Variants in PIDD1 observed in about 807,000 individuals in gnomAD.
PIDD1 encodes the protein p53-induced death domain protein 1, also known as p53-induced death domain-containing protein 1.
PIDD1 carries 72 observed loss-of-function variants against 80.0 expected under a neutral mutation model. The ratio of observed to expected loss-of-function variants is 0.90; its 90% CI spans 0.74 to 1.09. The LOEUF (loss-of-function observed/expected upper bound fraction) is 1.09, where lower values mean the gene tolerates loss of function less well. Among genes scored for constraint, PIDD1 ranks in the 50% least tolerant of loss-of-function variants. PIDD1 has a pLI of 0.00. For synonymous variants in PIDD1, 655 were observed against 543.5 expected (o/e 1.21, Z -2.85); for missense variants, 1,329 against 1,228.3 (o/e 1.08, Z -1.23).
Position 799,430 on chromosome 11 carries a change from G to C in PIDD1, c.2610C>G (p.Arg870=), listed in dbSNP as rs61740097. The C allele has an allele frequency of 6.2e-7, 1 of 1,611,152 alleles. No individual in the cohort carries two copies. Among genetic ancestry groups the C allele is most frequent in the Non-Finnish European group, 8.5e-7 (1 of 1,179,882 alleles). ...TGCGGCGGCCGAGCTCCAAGACTGCGCGCACCTCTTCAGCCACGTCCTGCC... is the reference window on the plus strand; with the variant it reads ...TGCGGCGGCCGAGCTCCAAGACTGCCCGCACCTCTTCAGCCACGTCCTGCC... ...SDRQDVAEEV[R]AVLELGRRKY... is the part of the protein sequence containing the mutation. The change falls in exon 16 of 16, where the codon CGC becomes CGG. Residue 870 remains arginine, a synonymous_variant. Coordinates refer to ENST00000347755, the MANE Select transcript of PIDD1 (RefSeq NM_145886.4).
At position 800,841 on chromosome 11, in the gene PIDD1, A is replaced by G. The variant is rs1865237660; in HGVS notation, c.1838T>C (p.Leu613Pro). ...CAGAGCGATGAGGTTCACACGGTGC[A>G]GCCGCAGCCGCTCCCAGGCCTTCCG... The part of the protein sequence containing the change: ...LARKAWERLR[L>P]HRVNLIALQR... Residue 613 changes from leucine to proline, a missense_variant, in exon 11 of 16, where the codon CTG becomes CCG. Coordinates refer to ENST00000347755, the MANE Select transcript of PIDD1 (RefSeq NM_145886.4). 1 of 1,568,358 alleles carries G rather than the reference A, an allele frequency of 6.4e-7. No homozygotes were observed. The highest frequency in any genetic ancestry group is 8.6e-7 in the Non-Finnish European group (1 of 1,157,242).
chr11:799,665 G>T, intron 15 of PIDD1, 100 bp from the exon 16 acceptor site: 1 of 1,416,852 alleles, frequency 7.1e-7, no homozygotes, highest in Non-Finnish European at 9.3e-7. Flanking sequence ...GGCTCCTGGG[G>T]CCAGGTGCGG....
upstream of PIDD1, among the ~76,000 whole-genome samples, chr11:806,746 C>A (rs1235753497): frequency 6.6e-6 from 1 of 151,764 alleles, no homozygotes; most frequent in Non-Finnish European, 1.5e-5. Context: ...CCACGCCCGG[C>A]TAATTTTTTT....
chr11:799,653 C>G, intron 15 of PIDD1, 88 bp from the exon 16 acceptor site: 1 of 1,463,020 alleles, frequency 6.8e-7, no homozygotes, highest in Non-Finnish European at 9.0e-7. Flanking sequence ...GGGGGAGTTC[C>G]CGGCTCCTGG....
chr11:804,587 G>A (rs1865650321), intron 1 of PIDD1, 124 bp from the exon 2 acceptor site: 8 of 1,007,020 alleles, frequency 7.9e-6, no homozygotes, highest in Non-Finnish European at 1.1e-5. Context: ...TGCAGAGTGG[G>A]GGAGACCTTG....
At chr11:805,878 A>C (rs951625726), upstream of PIDD1, 19 of 162,032 alleles carry the variant, frequency 1.2e-4, no homozygotes, top group African/African-American at 4.1e-4. Flanking sequence ...AGGCGGGTGG[A>C]TCACGAGGTC....
Position 804,287 on chromosome 11 carries a change from G to T in PIDD1, c.102C>A (p.Gly34=). 1 of 1,612,916 alleles carries T rather than the reference G, an allele frequency of 6.2e-7. No homozygotes were observed. Among genetic ancestry groups the T allele is most frequent in the East Asian group, 2.2e-5 (1 of 44,880 alleles). The change falls in exon 2 of 16, where the codon GGC becomes GGA. Residue 34 remains glycine, a synonymous_variant. Coordinates refer to ENST00000347755, the MANE Select transcript of PIDD1 (RefSeq NM_145886.4). ...ACAGGTCCAAGCTCAGCCGGTTGCC[G>T]CCCAGGAAAGGCAGCGCCCTGGACC... is the stretch of plus-strand genomic sequence containing the variant. ...DAGSRALPFL[G]GNRLSLDLYP...
intron 15 of PIDD1, 49 bp from the exon 16 acceptor site, chr11:799,614 A>G: frequency 2.0e-6 from 3 of 1,520,966 alleles, no homozygotes; most frequent in Non-Finnish European, 2.6e-6. Context: ...CCTGCCCAGG[A>G]CCCCCCACCA....
Position 800,154 on chromosome 11 carries a change from C to T in PIDD1, c.2251G>A (p.Ala751Thr). Residue 751 changes from alanine (A) to threonine (T), a missense_variant, in exon 14 of 16, where the codon GCC becomes ACC. Physicochemically the swap from Ala to Thr is moderately conservative, Grantham distance 58 (BLOSUM62 0). Coordinates refer to ENST00000347755, the MANE Select transcript of PIDD1 (RefSeq NM_145886.4). ...QRKGADALWM[A>T]TLPIKLPRLR... ...ACCGGCAGCTTGATGGGCAGAGTGG[C>T]CATCCACAGGGCGTCTGCGCCCTTC... 1 of 1,610,478 alleles carries T rather than the reference C, an allele frequency of 6.2e-7. No homozygotes were observed. Among genetic ancestry groups the T allele is most frequent in the East Asian group, 2.2e-5 (1 of 44,826 alleles).
In PIDD1 at chr11:799,903, C is replaced by T. The variant is rs549320058; in HGVS notation, c.2386G>A (p.Ala796Thr). 9 of 1,612,522 alleles carry T rather than the reference C, an allele frequency of 5.6e-6. No individual in the cohort carries two copies. In the South Asian group the frequency reaches 9.9e-5, roughly 18 times the overall value. ...FLTQSNLLSV[A>T]GRLGLDWPAV... ...GGCCAGTCCAGACCCAGACGCCCAG[C>T]CACACTCAGCAGGTTGCTCTGCGTC... The change falls in exon 15 of 16, where the codon GCT becomes ACT. Residue 796 changes from alanine (A) to threonine (T), a missense_variant. Transcript: ENST00000347755.
rs1416968313 is a variant in PIDD1 at position 802,204 on chromosome 11, G to A, written c.1167C>T (p.Ala389=). 1.3e-5 allele frequency: 21 copies of A among 1,605,006 alleles called. No homozygotes were observed. Among genetic ancestry groups the A allele is most frequent in the Non-Finnish European group, 1.7e-5 (20 of 1,176,478 alleles). Reference sequence around the variant, plus strand: ...CACGCCCTGTCCATGCCTGCTGGAAGGCCACCCCATGGGGCTGCAGCTCCA... The same window carrying A: ...CACGCCCTGTCCATGCCTGCTGGAAAGCCACCCCATGGGGCTGCAGCTCCA... ...HVLELQPHGV[A]FQQDVGLWLL... Residue 389 remains alanine, a synonymous_variant, in exon 6 of 16, where the codon GCC becomes GCT. Transcript: ENST00000347755.
chr11:808,982 T>C (rs576713555), upstream of PIDD1, among the ~76,000 whole-genome samples: 1 of 152,266 alleles, frequency 6.6e-6, no homozygotes, highest in Admixed American at 6.5e-5. Context: ...TCGCCCGGGA[T>C]ATTGGCAGGG....
upstream of PIDD1, chr11:805,735 ACT>A (rs2133818852): frequency 1.0e-6 from 1 of 956,562 alleles, no homozygotes; most frequent in Non-Finnish European, 1.2e-6. Context: ...TCGAGCCATC[ACT>A]CTGGGCCAGA....
Position 803,522 on chromosome 11 carries a change from G to C in PIDD1, c.361C>G (p.Leu121Val). The change falls in exon 3 of 16, where the codon CTG becomes GTG. Residue 121 changes from leucine to valine, a missense_variant. Transcript: ENST00000347755. ...RGALTNLPAG[L>V]SGLAHLAHLD... ...TGGGCCAGATGGGCCAGGCCACTCA[G>C]ACCAGCGGGCAGGTTGGTCAGGGCA... 1.2e-6 allele frequency: 2 copies of C among 1,613,356 alleles called. No homozygotes were observed. The highest frequency in any genetic ancestry group is 1.7e-6 in the Non-Finnish European group (2 of 1,179,932).
chr11:803,618 A>G, intron 2 of PIDD1, 31 bp from the exon 3 acceptor site: 1 of 1,580,288 alleles, frequency 6.3e-7, no homozygotes, highest in Non-Finnish European at 8.6e-7. Flanking sequence ...TGTGGCCCTC[A>G]GAGCCAGGGT....
At chr11:806,513 A>G (rs1311144207), upstream of PIDD1, among the ~76,000 whole-genome samples, 1 of 151,874 alleles carries the variant, frequency 6.6e-6, no homozygotes, top group Non-Finnish European at 1.5e-5. Context: ...CCTCTGGGAC[A>G]GGCAGGTCTC....
At position 801,305 on chromosome 11, in the gene PIDD1, T is replaced by A; in HGVS notation, c.1543A>T (p.Ser515Cys). 3.1e-6 allele frequency: 5 copies of A among 1,602,976 alleles called. No individual in the cohort carries two copies. The highest frequency in any genetic ancestry group is 4.3e-6 in the Non-Finnish European group (5 of 1,174,460). The stretch of plus-strand genomic sequence containing the variant: ...CTCTGTGACAGGCACAGCAGGGGGC[T>A]CACTGCAGCCTCTGGTTCTCCCAGG... ...ALLGEPEAAV[S>C]PLLCLSQSGP... The change falls in exon 9 of 16, where the codon AGC becomes TGC. Residue 515 changes from serine to cysteine, a missense_variant. Coordinates refer to ENST00000347755, the MANE Select transcript of PIDD1 (RefSeq NM_145886.4).
chr11:801,260 G>C lies in PIDD1; in HGVS notation c.1588C>G (p.Gln530Glu). 6.4e-7 allele frequency: 1 copy of C among 1,573,650 alleles called. No individual in the cohort carries two copies. Residue 530 changes from glutamine (Q) to glutamate (E), a missense_variant, in exon 9 of 16, where the codon CAA becomes GAA. Transcript: ENST00000347755. ...LSQSGPPSFL[Q>E]PVTVQLPLPS... ...AGAGGCAGCTGCACGGTGACCGGTTGGAGGAAGCTGGGGGGACCGCTCTGT... is the reference window on the plus strand; with the variant it reads ...AGAGGCAGCTGCACGGTGACCGGTTCGAGGAAGCTGGGGGGACCGCTCTGT...
In PIDD1 at chr11:800,993, G is replaced by A. The variant is rs763160492; in HGVS notation, c.1758C>T (p.His586=). ...AGCTGGGGGGCACTGACCAGGAGAA[G>A]TGTGTGACCTGGAAGCGTGCGTACA... ...THLYARFQVT[H]FSWYWLWYTT... Residue 586 remains histidine, a synonymous_variant, in exon 10 of 16, where the codon CAC becomes CAT. Coordinates refer to ENST00000347755, the MANE Select transcript of PIDD1 (RefSeq NM_145886.4). 12 of 1,604,920 alleles carry A rather than the reference G, an allele frequency of 7.5e-6. No individual in the cohort carries two copies. The South Asian group carries it at 1.3e-4, about 18-fold the overall frequency.
Sources: gnomAD v4.1 joint callset for allele counts (sites outside exome capture counted in the v4.1 genomes callset) on GRCh38, gnomAD v4.1.1 for gene constraint, MANE v1.5 for transcripts, NCBI Gene and HGNC (gene_info 2026-07-23, HGNC 2026-07-21) for gene names.